CNTN5: variants seen among roughly 807,000 people sequenced by gnomAD.
The protein encoded by CNTN5 is contactin-5.
In CNTN5, 77 loss-of-function variants were observed where a neutral mutation model predicts 129.1. The ratio of observed to expected loss-of-function variants is 0.60; its 90% CI spans 0.50 to 0.72. The LOEUF (loss-of-function observed/expected upper bound fraction) is 0.72. Ranked by LOEUF, CNTN5 falls within the 30% of genes least tolerant of loss-of-function variation. The pLI is 0.00. For missense variants in CNTN5, 1,478 were observed against 1,328.8 expected, an observed-to-expected ratio of 1.11 and a Z score of -1.75; for synonymous variants, 509 against 465.6, an observed-to-expected ratio of 1.09 and a Z score of -1.20.
At chr11:100,118,359 A>C (rs1945907009) in intron 13 of CNTN5, among the ~76,000 whole-genome samples, 1 of 151,886 alleles carries the variant, frequency 6.6e-6, no homozygotes, top group African/African-American at 2.4e-5. Context: ...AATATCAAAA[A>C]AAGATGTGAA....
At chr11:99,583,091 C>G (rs1312113142) in intron 3 of CNTN5, among the ~76,000 whole-genome samples, 1 of 152,214 alleles carries the variant, frequency 6.6e-6, no homozygotes. Context: ...GAGGTCCACT[C>G]TAGACCCTGT....
chr11:99,848,592 G>A (rs1280272059), intron 6 of CNTN5, among the ~76,000 whole-genome samples: 4 of 151,834 alleles, frequency 2.6e-5, no homozygotes, highest in African/African-American at 9.7e-5. Flanking sequence ...TTTATAAATC[G>A]TCAAAATGAT....
intron 1 of CNTN5, among the ~76,000 whole-genome samples, chr11:99,093,835 C>A (rs1368552426): frequency 6.6e-6 from 1 of 151,852 alleles, no homozygotes; most frequent in African/African-American, 2.4e-5. Context: ...TTATGAGGAA[C>A]CCCAGGCTCA....
intron 9 of CNTN5, among the ~76,000 whole-genome samples, chr11:100,006,157 G>A (rs952177095): frequency 1.4e-4 from 22 of 152,088 alleles, no homozygotes; most frequent in African/African-American, 4.6e-4. Context: ...ATTTACACAC[G>A]TTGATTTAAA....
intron 3 of CNTN5, among the ~76,000 whole-genome samples, chr11:99,677,896 A>G (rs1373945074): frequency 6.6e-6 from 1 of 152,114 alleles, no homozygotes; most frequent in African/African-American, 2.4e-5. Flanking sequence ...AACATACCAA[A>G]CACCTTTTCA....
intron 16 of CNTN5, among the ~76,000 whole-genome samples, chr11:100,236,289 G>T (rs1949612539): frequency 6.6e-6 from 1 of 152,170 alleles, no homozygotes; most frequent in Admixed American, 6.5e-5. Context: ...AGAGCTGGCT[G>T]CTCTGAGAGA....
At chr11:100,337,279 G>A in intron 21 of CNTN5, 1 of 1,271,634 alleles carries the variant, frequency 7.9e-7, no homozygotes, top group Non-Finnish European at 1.1e-6. Context: ...GAGCCTGGTA[G>A]CCTTTATAAA....
At chr11:99,689,408 TC>T (rs1417701460) in intron 3 of CNTN5, among the ~76,000 whole-genome samples, 2 of 151,102 alleles carry the variant, frequency 1.3e-5, no homozygotes, top group African/African-American at 4.9e-5. Context: ...GCGCCTGTAG[TC>T]CCAGCTGCTT....
At chr11:99,773,035 A>G (rs1944998157) in intron 3 of CNTN5, among the ~76,000 whole-genome samples, 2 of 152,060 alleles carry the variant, frequency 1.3e-5, no homozygotes, top group South Asian at 2.1e-4. Context: ...GTAAATTGCC[A>G]TAAGTGAACA....
chr11:99,784,783 G>T (rs1039128863), intron 3 of CNTN5, among the ~76,000 whole-genome samples: 1 of 144,678 alleles, frequency 6.9e-6, no homozygotes, highest in Admixed American at 7.1e-5. Context: ...GTGTGAGATG[G>T]TATCTCATTG....
intron 3 of CNTN5, among the ~76,000 whole-genome samples, chr11:99,597,878 C>G (rs1950173271): frequency 6.6e-6 from 1 of 152,118 alleles, no homozygotes; most frequent in Admixed American, 6.6e-5. Context: ...AAGTGGCAAG[C>G]TTATGAATGC....
intron 7 of CNTN5, among the ~76,000 whole-genome samples, chr11:99,924,459 G>A (rs1950015141): frequency 6.6e-6 from 1 of 152,076 alleles, no homozygotes; most frequent in Middle Eastern, 3.2e-3. Context: ...TCTGCATATG[G>A]TTAGCCAGTT....
chr11:99,369,965 T>C (rs1939728224), intron 2 of CNTN5, among the ~76,000 whole-genome samples: 3 of 152,298 alleles, frequency 2.0e-5, no homozygotes, highest in Admixed American at 1.3e-4. Context: ...GCCAAAGTTA[T>C]GTCATTACAT....
At chr11:99,965,539 TTC>T (rs1412452597) in intron 8 of CNTN5, among the ~76,000 whole-genome samples, 7 of 152,186 alleles carry the variant, frequency 4.6e-5, no homozygotes, top group African/African-American at 1.7e-4. Context: ...TTGTTATAAT[TTC>T]TGTTCTTTTG....
rs1344430747 is a variant in CNTN5, at chr11:99,834,653, G to A, written c.278-10199G>A. 3.9e-5 allele frequency among the ~76,000 whole-genome samples: 6 copies of A among 152,262 alleles called. No homozygotes were observed. In the South Asian group the frequency reaches 1.0e-3, roughly 26 times the overall value. On this transcript the variant is annotated intron_variant, in intron 4 of 24. Transcript: ENST00000524871. ...TTCATTTGACAATCACAAAGGAAGA[G>A]CATAAAATAGTTATGATTTAAAAAC...
intron 8 of CNTN5, among the ~76,000 whole-genome samples, chr11:99,992,354 G>T (rs143784107): frequency 2.2e-4 from 34 of 152,290 alleles, no homozygotes; most frequent in African/African-American, 7.5e-4. Context: ...CATACAGGTT[G>T]AATATAATTT....
chr11:99,209,629 A>T (rs1437571155), intron 1 of CNTN5, among the ~76,000 whole-genome samples: 1 of 152,204 alleles, frequency 6.6e-6, no homozygotes, highest in African/African-American at 2.4e-5. Flanking sequence ...GAGAACAAAC[A>T]TCAAAACCAT....
intron 6 of CNTN5, among the ~76,000 whole-genome samples, chr11:99,863,492 G>T (rs1948270583): frequency 6.6e-6 from 1 of 152,110 alleles, no homozygotes; most frequent in Admixed American, 6.6e-5. Flanking sequence ...TATCTAGGAT[G>T]TGAGGAAGTG....
chr11:100,067,218 A>G (rs1006694148), intron 10 of CNTN5, among the ~76,000 whole-genome samples: 2 of 152,036 alleles, frequency 1.3e-5, no homozygotes, highest in African/African-American at 4.8e-5. Context: ...TGTTTATTCA[A>G]TTATGACATT....
Sources: gnomAD v4.1 joint callset for allele counts (sites outside exome capture counted in the v4.1 genomes callset) on GRCh38, gnomAD v4.1.1 for gene constraint, MANE v1.5 for transcripts, NCBI Gene and HGNC (gene_info 2026-07-23, HGNC 2026-07-21) for gene names.